Variants in CCNJL observed in about 807,000 individuals in gnomAD.
CCNJL encodes cyclin-J-like protein.
In CCNJL, 33 loss-of-function variants were observed where a neutral mutation model predicts 33.4. The observed-to-expected ratio is 0.99, with a 90% confidence interval of 0.75 to 1.32. The LOEUF is 1.32. Ranked by LOEUF, CCNJL falls within the 40% of genes most tolerant of loss-of-function variation. CCNJL has a pLI of 0.00. For missense variants in CCNJL, 512 were observed against 499.7 expected (o/e 1.02, Z -0.23); for synonymous variants, 227 against 220.9 (o/e 1.03, Z -0.24).
chr5:160,299,157 A>ATTT (rs67238746), intron 2 of CCNJL, among the ~76,000 whole-genome samples: 7 of 149,728 alleles, frequency 4.7e-5, no homozygotes, highest in African/African-American at 1.7e-4. Flanking sequence ...TTAAAAAAAA[A>ATTT]TTTTTTTTTT....
intron 3 of CCNJL, among the ~76,000 whole-genome samples, chr5:160,276,779 A>ATCTCTC: frequency 6.6e-6 from 1 of 152,052 alleles, no homozygotes; most frequent in African/African-American, 2.4e-5. Context: ...CATGAATTTT[A>ATCTCTC]TCTCTCTTTT....
At chr5:160,327,095 T>C (rs1763547459) in intron 1 of CCNJL, 1 of 303,318 alleles carries the variant, frequency 3.3e-6, no homozygotes, top group Non-Finnish European at 6.4e-6. Context: ...AAGATGGCAA[T>C]AAATGCTATG....
intron 1 of CCNJL, among the ~76,000 whole-genome samples, chr5:160,334,944 C>T (rs1763664748): frequency 6.6e-6 from 1 of 152,236 alleles, no homozygotes; most frequent in African/African-American, 2.4e-5. Flanking sequence ...ACCATCACGA[C>T]TGTGTCCTAA....
At chr5:160,332,110 C>T (rs1368796688) in intron 1 of CCNJL, among the ~76,000 whole-genome samples, 1 of 152,136 alleles carries the variant, frequency 6.6e-6, no homozygotes, top group Non-Finnish European at 1.5e-5. Context: ...AATACTTCCT[C>T]ACCCCTCCTC....
chr5:160,282,966 A>AATATATATATATATATATGT (rs1762263040), intron 2 of CCNJL, among the ~76,000 whole-genome samples: 4 of 43,390 alleles, frequency 9.2e-5, no homozygotes, highest in African/African-American at 2.9e-4. Flanking sequence ...CAGTCCTTGG[A>AATATATATATATATATATGT]ATATATATAT....
chr5:160,276,317 A>T (rs1762008166), intron 3 of CCNJL: 1 of 152,348 alleles, frequency 6.6e-6, no homozygotes, highest in African/African-American at 2.4e-5. Flanking sequence ...TGGGGCGCTG[A>T]AGCAGGAGAA....
At chr5:160,281,667 TAA>T (rs1249393481) in intron 2 of CCNJL, among the ~76,000 whole-genome samples, 2 of 151,864 alleles carry the variant, frequency 1.3e-5, no homozygotes, top group African/African-American at 2.4e-5. Flanking sequence ...TTTGTTTGTT[TAA>T]GAGAGGAGTC....
chr5:160,279,067 G>A (rs558103810), intron 3 of CCNJL, among the ~76,000 whole-genome samples: 145 of 152,312 alleles, frequency 9.5e-4, no homozygotes, highest in African/African-American at 3.2e-3. Context: ...AGGTGCCAGC[G>A]TGGAAAACGA....
intron 3 of CCNJL, among the ~76,000 whole-genome samples, chr5:160,270,990 A>G (rs1378529357): frequency 6.6e-6 from 1 of 152,198 alleles, no homozygotes; most frequent in Non-Finnish European, 1.5e-5. Context: ...GTCGGTGACA[A>G]AGAGAGACTT....
intron 2 of CCNJL, among the ~76,000 whole-genome samples, chr5:160,301,471 T>C (rs1366352241): frequency 1.3e-5 from 2 of 151,602 alleles, no homozygotes; most frequent in Non-Finnish European, 2.9e-5. Flanking sequence ...TCTCACTCTG[T>C]CACCCAGGCT....
At chr5:160,317,232 C>A (rs542642484), upstream of CCNJL, among the ~76,000 whole-genome samples, 5 of 152,292 alleles carry the variant, frequency 3.3e-5, no homozygotes, top group Admixed American at 6.5e-5. Context: ...TATGAGTCGG[C>A]AGATTAGGTC....
chr5:160,255,608 C>T lies in CCNJL; in HGVS notation c.684G>A (p.Leu228=). The change falls in exon 5 of 6, where the codon CTG becomes CTA. Residue 228 remains leucine, a synonymous_variant. Transcript: ENST00000257536. ...CCAGGGAATAGCTTGAGATCCTCTG[C>T]AGGTCTCTGGTCCAGTAGGGAGAAA... ...LQLSPYWTRD[L]QRISSYSLEH... 6.2e-7 allele frequency: 1 copy of T among 1,614,152 alleles called. No homozygotes were observed. Among genetic ancestry groups the T allele is most frequent in the Non-Finnish European group, 8.5e-7 (1 of 1,179,962 alleles).
intron 2 of CCNJL, among the ~76,000 whole-genome samples, chr5:160,297,654 C>CAAAAAAAAAAAAAAAAAAAAAAAAAAAAA (rs59634260): frequency 9.3e-6 from 1 of 107,620 alleles, no homozygotes. Flanking sequence ...TCTCTATTTA[C>CAAAAAAAAAAAAAAAAAAAAAAAAAAAAA]AAAAAAAAAA....
intron 1 of CCNJL, among the ~76,000 whole-genome samples, chr5:160,321,010 CTCTCTTTCTT>C (rs1320837099): frequency 0.017 from 1,472 of 87,246 alleles, 4 homozygotes; most frequent in Non-Finnish European, 0.021. Flanking sequence ...CTCTCTCTCT[CTCTCTTTCTT>C]TCTTTCTTTC....
chr5:160,264,915 T>A (rs910172195), intron 3 of CCNJL, among the ~76,000 whole-genome samples: 4 of 152,224 alleles, frequency 2.6e-5, no homozygotes, highest in Non-Finnish European at 5.9e-5. Flanking sequence ...TAAAAAGCCG[T>A]TTCATTTTAG....
In CCNJL at chr5:160,301,556, C is replaced by A. The variant is rs1434790605; in HGVS notation, c.66+10302G>T. 3.3e-5 allele frequency among the ~76,000 whole-genome samples: 5 copies of A among 151,512 alleles called. No individual in the cohort carries two copies. In the East Asian group the frequency reaches 9.7e-4, roughly 29 times the overall value. On this transcript the variant is annotated intron_variant, in intron 2 of 5. Transcript: ENST00000257536. ...TCAAGCGATTCTTCTGCCTCGGCTT[C>A]CTGAATAGCTGTGACTACAGGCATG... is the stretch of plus-strand genomic sequence containing the variant.
intron 1 of CCNJL, among the ~76,000 whole-genome samples, chr5:160,329,405 C>T (rs1469784127): frequency 6.7e-6 from 1 of 148,430 alleles, no homozygotes; most frequent in Non-Finnish European, 1.5e-5. Flanking sequence ...AGCTGGAGTG[C>T]AGCGGCATGA....
At chr5:160,328,741 G>A (rs997562062) in intron 1 of CCNJL, among the ~76,000 whole-genome samples, 4 of 151,636 alleles carry the variant, frequency 2.6e-5, no homozygotes, top group African/African-American at 4.8e-5. Flanking sequence ...TTAGCCGTGC[G>A]TGGTGGTATG....
chr5:160,282,584 C>G lies in CCNJL; in HGVS notation c.67-1846G>C, dbSNP rs1762252231. 5.3e-5 allele frequency among the ~76,000 whole-genome samples: 8 copies of G among 151,996 alleles called. 1 individual carries two copies. The highest frequency in any genetic ancestry group is 5.2e-4 in the Admixed American group (8 of 15,260). On this transcript the variant is annotated intron_variant, in intron 2 of 5. Transcript: ENST00000257536. ...AATAAAAGACTGTATCCAGAACATACAAAGAACTCTTACAGCTCAACAATA... is the reference window on the plus strand; with the variant it reads ...AATAAAAGACTGTATCCAGAACATAGAAAGAACTCTTACAGCTCAACAATA...
Sources: gnomAD v4.1 joint callset for allele counts (sites outside exome capture counted in the v4.1 genomes callset) on GRCh38, gnomAD v4.1.1 for gene constraint, MANE v1.5 for transcripts, NCBI Gene and HGNC (gene_info 2026-07-23, HGNC 2026-07-21) for gene names.